WIPF2: variants seen among roughly 807,000 people sequenced by gnomAD.
WIPF2 encodes WAS/WASL interacting protein family member 2.
In WIPF2, 23 loss-of-function variants were observed where a neutral mutation model predicts 38.8. The observed-to-expected ratio is 0.59, with a 90% confidence interval of 0.43 to 0.84. The LOEUF is 0.84. Among genes scored for constraint, WIPF2 ranks in the 40% least tolerant of loss-of-function variants. The pLI is 0.00. For missense variants in WIPF2, 574 were observed against 580.5 expected, an observed-to-expected ratio of 0.99 and a Z score of 0.11; for synonymous variants, 210 against 223.2, an observed-to-expected ratio of 0.94 and a Z score of 0.53.
chr17:40,239,772 C>G (rs894984238), intron 1 of WIPF2, among the ~76,000 whole-genome samples: 2 of 149,172 alleles, frequency 1.3e-5, no homozygotes, highest in Non-Finnish European at 3.0e-5. Context: ...TCTTGGCCCA[C>G]TGCAACCTCT....
At position 40,256,431 on chromosome 17, in the gene WIPF2, G is replaced by T; in HGVS notation, c.-29G>T. 1 of 1,600,262 alleles carries T rather than the reference G, an allele frequency of 6.2e-7. No individual in the cohort carries two copies. Among genetic ancestry groups the T allele is most frequent in the African/African-American group, 1.3e-5 (1 of 74,146 alleles). ...AAAGGTACAAATAAAGACGGAGAGA[G>T]AACAGTGCCAACTGGGAGCAGGGCA... is the stretch of plus-strand genomic sequence containing the variant. On this transcript the variant is annotated 5_prime_UTR_variant, in exon 2 of 8. The change creates a premature stop within an existing upstream ORF in the 5' untranslated region. Transcript: ENST00000323571.
rs546608105 is a variant in WIPF2 at position 40,264,836 on chromosome 17, T to G, written c.660T>G (p.Gly220=). Residue 220 remains glycine (G), a synonymous_variant, in exon 5 of 8, where the codon GGT becomes GGG. Transcript: ENST00000323571. Reference sequence around the variant, plus strand: ...CGCCTGGACAAAGGCTTCACCCTGGTCGAGAGGGACCTCCTGCTCCACCCC... The same window carrying G: ...CGCCTGGACAAAGGCTTCACCCTGGGCGAGAGGGACCTCCTGCTCCACCCC... The part of the protein sequence containing the change: ...PPTPGQRLHP[G]REGPPAPPPV... 9.5e-5 allele frequency: 153 copies of G among 1,613,930 alleles called. No individual in the cohort carries two copies. In the South Asian group the frequency reaches 1.6e-3, roughly 17 times the overall value.
intron 1 of WIPF2, among the ~76,000 whole-genome samples, chr17:40,226,163 A>G (rs533682143): frequency 3.4e-5 from 5 of 146,706 alleles, no homozygotes; most frequent in East Asian, 4.0e-4. Flanking sequence ...AACATTCTCC[A>G]TATGTATTCA....
intron 1 of WIPF2, among the ~76,000 whole-genome samples, chr17:40,240,627 T>C (rs977904863): frequency 6.6e-6 from 1 of 151,850 alleles, no homozygotes; most frequent in Non-Finnish European, 1.5e-5. Flanking sequence ...TTTTTTTGCT[T>C]GTTGTTTGGT....
At chr17:40,277,723 C>CTTTTTTTTTTTTTTTTTTTT (rs528401568) in intron 7 of WIPF2, among the ~76,000 whole-genome samples, 1,335 of 97,530 alleles carry the variant, frequency 0.014, 115 homozygotes, top group East Asian at 0.025. Flanking sequence ...CTTCGTTGTC[C>CTTTTTTTTTTTTTTTTTTTT]TTTTTTTTTT....
chr17:40,237,155 C>G (rs1334088640), intron 1 of WIPF2, among the ~76,000 whole-genome samples: 7 of 151,386 alleles, frequency 4.6e-5, no homozygotes, highest in Non-Finnish European at 8.8e-5. Flanking sequence ...AATTATTTAT[C>G]TCCTCTCTCT....
At chr17:40,270,365 CAAAA>C (rs574916961) in intron 5 of WIPF2, among the ~76,000 whole-genome samples, 3 of 68,372 alleles carry the variant, frequency 4.4e-5, no homozygotes, top group Admixed American at 1.6e-4. Context: ...GACTCCGTCT[CAAAA>C]AAAAAAAAAA....
chr17:40,269,182 T>C (rs2032176822), intron 5 of WIPF2, among the ~76,000 whole-genome samples: 1 of 152,168 alleles, frequency 6.6e-6, no homozygotes. Context: ...TAGCCAGGCA[T>C]GATGGCGGGT....
intron 1 of WIPF2, among the ~76,000 whole-genome samples, chr17:40,220,713 C>T (rs1007121424): frequency 1.4e-5 from 2 of 147,814 alleles, no homozygotes; most frequent in African/African-American, 2.5e-5. Flanking sequence ...AGTGATCCTC[C>T]TGTCTCGGCC....
At chr17:40,267,827 G>C (rs554087563) in intron 5 of WIPF2, among the ~76,000 whole-genome samples, 4 of 152,272 alleles carry the variant, frequency 2.6e-5, no homozygotes, top group African/African-American at 9.6e-5. Flanking sequence ...AGTTTCTACA[G>C]GTATAGAACA....
rs377439876 is a variant in WIPF2 at position 40,278,219 on chromosome 17, C to G, written c.1317C>G (p.Leu439=). 25 of 1,613,712 alleles carry G rather than the reference C, an allele frequency of 1.5e-5. No individual in the cohort carries two copies. Among genetic ancestry groups the G allele is most frequent in the Non-Finnish European group, 1.8e-5 (21 of 1,179,902 alleles). ...GAGCCCCACCTCTGCCACCCATTCT[C>G]AGGTGAAGCCTGGCTTGGTCCCGTT... is the stretch of plus-strand genomic sequence containing the variant. ...ARGAPPLPPI[L]R Residue 439 remains leucine, a synonymous_variant, in exon 8 of 8, where the codon CTC becomes CTG. Coordinates refer to ENST00000323571, the MANE Select transcript of WIPF2 (RefSeq NM_133264.5).
chr17:40,229,711 C>T (rs556106287), intron 1 of WIPF2, among the ~76,000 whole-genome samples: 4 of 152,200 alleles, frequency 2.6e-5, no homozygotes, highest in Non-Finnish European at 5.9e-5. Context: ...TGTGAGCCAC[C>T]GTGCCTGGCC....
At chr17:40,276,551 ATTTC>A (rs921668669) in intron 6 of WIPF2, among the ~76,000 whole-genome samples, 12 of 147,072 alleles carry the variant, frequency 8.2e-5, no homozygotes, top group Admixed American at 3.4e-4. Flanking sequence ...AAAGAATTAT[ATTTC>A]TTTCTGCTAC....
At chr17:40,224,618 C>T (rs2030404425) in intron 1 of WIPF2, among the ~76,000 whole-genome samples, 1 of 151,606 alleles carries the variant, frequency 6.6e-6, no homozygotes, top group Non-Finnish European at 1.5e-5. Flanking sequence ...TCTGCTTGAG[C>T]CAGTCCTATG....
chr17:40,264,562 C>T lies in WIPF2; in HGVS notation c.386C>T (p.Ala129Val). 6.2e-7 allele frequency: 1 copy of T among 1,614,112 alleles called. No individual in the cohort carries two copies. The stretch of plus-strand genomic sequence containing the variant: ...GCTGCCCCAAGGCCTCCAGTATCTG[C>T]CGCCAGCGGGCGTCCTCAGGATGAT... The part of the protein sequence containing the change: ...RAAAPRPPVS[A>V]ASGRPQDDTD... Residue 129 changes from alanine to valine, a missense_variant, in exon 5 of 8, where the codon GCC becomes GTC. Coordinates refer to ENST00000323571, the MANE Select transcript of WIPF2 (RefSeq NM_133264.5).
intron 1 of WIPF2, among the ~76,000 whole-genome samples, 173 bp from the exon 2 acceptor site, chr17:40,256,218 C>T (rs906723989): frequency 6.6e-6 from 1 of 151,518 alleles, no homozygotes; most frequent in Non-Finnish European, 1.5e-5. Context: ...TAGGAAATTG[C>T]AAATTAAAAC....
chr17:40,256,408 AG>A lies in WIPF2; in HGVS notation c.-50del. 2 of 1,584,636 alleles carry A rather than the reference AG, an allele frequency of 1.3e-6. No homozygotes were observed. Among genetic ancestry groups the A allele is most frequent in the Non-Finnish European group, 1.7e-6 (2 of 1,170,786 alleles). On this transcript the variant is annotated 5_prime_UTR_variant, in exon 2 of 8. The change creates a premature stop within an existing upstream ORF in the 5' untranslated region. Transcript: ENST00000323571. ...ATTTGCAGGTATATGAATGACCTAA[AG>A]GTACAAATAAAGACGGAGAGAGAAC... is the stretch of plus-strand genomic sequence containing the variant.
At chr17:40,251,165 C>T (rs1438162697) in intron 1 of WIPF2, among the ~76,000 whole-genome samples, 2 of 151,982 alleles carry the variant, frequency 1.3e-5, no homozygotes, top group Non-Finnish European at 2.9e-5. Context: ...CCGCCCTCCT[C>T]GGCCTCCCAA....
chr17:40,234,737 C>A (rs2030889869), intron 1 of WIPF2, among the ~76,000 whole-genome samples: 1 of 152,148 alleles, frequency 6.6e-6, no homozygotes, highest in African/African-American at 2.4e-5. Flanking sequence ...GCAGGAATTT[C>A]AAGAAATGGC....
Sources: gnomAD v4.1 joint callset for allele counts (sites outside exome capture counted in the v4.1 genomes callset) on GRCh38, gnomAD v4.1.1 for gene constraint, MANE v1.5 for transcripts, NCBI Gene and HGNC (gene_info 2026-07-23, HGNC 2026-07-21) for gene names.